Variants in DOCK4 observed in about 807,000 individuals in gnomAD.
DOCK4 encodes dedicator of cytokinesis 4, also known as dedicator of cytokinesis protein 4.
A neutral mutation model predicts 268.1 loss-of-function variants in DOCK4; 97 were observed. The observed-to-expected ratio is 0.36, with a 90% CI of 0.31 to 0.43. The LOEUF (loss-of-function observed/expected upper bound fraction) is 0.43, where lower values mean the gene tolerates loss of function less well. DOCK4 is among the 20% of genes least tolerant of loss of function. DOCK4 has a pLI of 1.00. For missense variants in DOCK4, 2,145 were observed against 2,455.7 expected (o/e 0.87, Z 2.67); for synonymous variants, 954 against 887.2 (o/e 1.08, Z -1.34).
rs369489581 is a variant in DOCK4, at chr7:111,778,362, T to C, written c.3593A>G (p.Tyr1198Cys). Reference protein sequence around the residue: ...IGCTVSLLNFYKTELNKEEMY... With the variant: ...IGCTVSLLNFCKTELNKEEMY... ...CTCCTCCTTGTTCAGTTCAGTCTTATAGAAGTTCTGTAAAAAAAGAGTACA... is the reference window on the plus strand; with the variant it reads ...CTCCTCCTTGTTCAGTTCAGTCTTACAGAAGTTCTGTAAAAAAAGAGTACA... Residue 1198 changes from tyrosine (Y) to cysteine (C), a missense_variant, in exon 36 of 53, where the codon TAT becomes TGT. This residue lies in a region of DOCK4 where 1,598 missense variants were observed against 1,986.7 expected (regional missense o/e 0.80). Coordinates refer to ENST00000428084, the MANE Select transcript of DOCK4 (RefSeq NM_001363540.2). 9.9e-6 allele frequency: 16 copies of C among 1,608,132 alleles called. No homozygotes were observed. Among genetic ancestry groups the C allele is most frequent in the South Asian group, 2.2e-5 (2 of 90,856 alleles).
intron 30 of DOCK4, among the ~76,000 whole-genome samples, chr7:111,790,938 G>A (rs112731075): frequency 4.0e-5 from 6 of 150,914 alleles, no homozygotes; most frequent in African/African-American, 1.5e-4. Flanking sequence ...GGTGCCTGTA[G>A]TCCCAGCTAC....
At chr7:112,199,878 C>G (rs1035217764) in intron 1 of DOCK4, among the ~76,000 whole-genome samples, 2 of 152,146 alleles carry the variant, frequency 1.3e-5, no homozygotes, top group African/African-American at 4.8e-5. Context: ...CATACAAGTA[C>G]TAAAAGAGAA....
At chr7:112,194,495 A>G (rs980178389) in intron 1 of DOCK4, among the ~76,000 whole-genome samples, 1 of 152,234 alleles carries the variant, frequency 6.6e-6, no homozygotes, top group African/African-American at 2.4e-5. Context: ...AGTCAAACTC[A>G]TATAACAAGG....
chr7:111,879,535 A>C (rs1162511660), intron 16 of DOCK4, among the ~76,000 whole-genome samples: 1 of 152,198 alleles, frequency 6.6e-6, no homozygotes, highest in Admixed American at 6.5e-5. Context: ...CCCCCAGTAC[A>C]GGCCTAGGCT....
intron 1 of DOCK4, among the ~76,000 whole-genome samples, chr7:112,066,510 C>A (rs906207600): frequency 2.2e-3 from 300 of 134,760 alleles, no homozygotes; most frequent in East Asian, 3.4e-3. Context: ...CTCTCTCTCT[C>A]TCTATATATA....
chr7:111,973,171 ATATATAT>A (rs924204659), intron 8 of DOCK4, among the ~76,000 whole-genome samples: 14 of 144,194 alleles, frequency 9.7e-5, no homozygotes, highest in African/African-American at 3.4e-4. Flanking sequence ...ATATATATAT[ATATATAT>A]ATATATATAA....
chr7:112,114,147 C>T (rs1051687175), intron 1 of DOCK4, among the ~76,000 whole-genome samples: 2 of 152,134 alleles, frequency 1.3e-5, no homozygotes, highest in African/African-American at 2.4e-5. Flanking sequence ...CTGAAGAAGA[C>T]ATAAACAATG....
At chr7:112,201,452 C>T (rs530342210) in intron 1 of DOCK4, among the ~76,000 whole-genome samples, 2 of 152,256 alleles carry the variant, frequency 1.3e-5, no homozygotes, top group East Asian at 3.9e-4. Flanking sequence ...CAATCCAGCC[C>T]GTGTTCTCCT....
rs112541196 is a variant in DOCK4, at chr7:111,773,561, GT to G, written c.3680-3885del. Among the ~76,000 whole-genome samples, 113 of 151,828 alleles carry G rather than the reference GT, an allele frequency of 7.4e-4. 1 individual carries two copies. Among genetic ancestry groups the G allele is most frequent in the African/African-American group, 2.4e-3 (99 of 41,402 alleles). On this transcript the variant is annotated intron_variant, in intron 36 of 52. Coordinates refer to ENST00000428084, the MANE Select transcript of DOCK4 (RefSeq NM_001363540.2). Reference sequence around the variant, plus strand: ...TTTAAAAATTTTCAAAAAGTTTACTGTTTTTTTTCTTTTTGAATCGAGAATT... The same window carrying G: ...TTTAAAAATTTTCAAAAAGTTTACTGTTTTTTTCTTTTTGAATCGAGAATT...
Position 111,741,672 on chromosome 7 carries a change from A to G in DOCK4, c.4798-11T>C. 6.2e-7 allele frequency: 1 copy of G among 1,611,300 alleles called. No individual in the cohort carries two copies. Among genetic ancestry groups the G allele is most frequent in the Non-Finnish European group, 8.5e-7 (1 of 1,179,060 alleles). On this transcript the variant is annotated splice_polypyrimidine_tract_variant and intron_variant, in intron 45 of 52. Transcript: ENST00000428084. Reference sequence around the variant, plus strand: ...ACAAGCAGAGAACTCCTAAAGATGTAGTAAAGGAAATATCTCATTACAGTA... The same window carrying G: ...ACAAGCAGAGAACTCCTAAAGATGTGGTAAAGGAAATATCTCATTACAGTA...
chr7:112,012,951 G>T (rs1039876328), intron 1 of DOCK4, among the ~76,000 whole-genome samples: 2 of 151,904 alleles, frequency 1.3e-5, no homozygotes, highest in Admixed American at 1.3e-4. Context: ...GCAACCGGAG[G>T]GACTCAGCAG....
At chr7:111,784,302 C>A (rs751529470) in intron 32 of DOCK4, 179 bp from the exon 33 acceptor site, 6 of 759,968 alleles carry the variant, frequency 7.9e-6, no homozygotes, top group Non-Finnish European at 1.4e-5. Context: ...TCAAATAACA[C>A]TGCAAAAAGC....
At chr7:111,949,058 CCTACTAATGTATTTATTGAT>C (rs1245435406) in intron 8 of DOCK4, among the ~76,000 whole-genome samples, 4 of 152,154 alleles carry the variant, frequency 2.6e-5, no homozygotes, top group African/African-American at 9.7e-5. Flanking sequence ...TAATCAGTTA[CCTACTAATGTATTTATTGAT>C]TACATTTTAG....
At chr7:112,088,880 GA>G (rs1348703149) in intron 1 of DOCK4, among the ~76,000 whole-genome samples, 1 of 152,098 alleles carries the variant, frequency 6.6e-6, no homozygotes, top group African/African-American at 2.4e-5. Flanking sequence ...TAGTGTGACT[GA>G]AAGGATTAAT....
intron 17 of DOCK4, 76 bp downstream of exon 17, chr7:111,876,953 GT>G: frequency 8.2e-7 from 1 of 1,215,588 alleles, no homozygotes; most frequent in South Asian, 3.5e-5. Context: ...TATCACTTTG[GT>G]GTTTACTGAA....
At chr7:112,083,012 A>C (rs963567454) in intron 1 of DOCK4, among the ~76,000 whole-genome samples, 3 of 152,156 alleles carry the variant, frequency 2.0e-5, no homozygotes, top group Non-Finnish European at 4.4e-5. Flanking sequence ...GATTAAGCAC[A>C]CTTGAAATTA....
At chr7:112,123,882 G>T (rs888165248) in intron 1 of DOCK4, among the ~76,000 whole-genome samples, 1 of 152,114 alleles carries the variant, frequency 6.6e-6, no homozygotes, top group Non-Finnish European at 1.5e-5. Context: ...CCAGATAAAA[G>T]GGATCTAACT....
At chr7:111,896,276 T>C (rs558852148) in intron 15 of DOCK4, among the ~76,000 whole-genome samples, 1 of 152,228 alleles carries the variant, frequency 6.6e-6, no homozygotes, top group Non-Finnish European at 1.5e-5. Context: ...TGAAAGACAA[T>C]ATGAATATTA....
At chr7:112,203,679 A>C (rs1387393217) in intron 1 of DOCK4, among the ~76,000 whole-genome samples, 1 of 152,220 alleles carries the variant, frequency 6.6e-6, no homozygotes, top group East Asian at 1.9e-4. Context: ...CTTTTCTTTA[A>C]CATCTGTAAG....
Sources: gnomAD v4.1 joint callset for allele counts (sites outside exome capture counted in the v4.1 genomes callset) on GRCh38, gnomAD v4.1.1 for gene constraint, gnomAD v4.1.1 regional missense constraint, MANE v1.5 for transcripts, NCBI Gene and HGNC (gene_info 2026-07-23, HGNC 2026-07-21) for gene names.